ATF7IP2: variants seen among roughly 807,000 people sequenced by gnomAD.
ATF7IP2 encodes the protein activating transcription factor 7 interacting protein 2.
ATF7IP2 carries 42 observed loss-of-function variants against 64.2 expected under a neutral mutation model. That is an observed-to-expected ratio of 0.65 (90% CI 0.51 to 0.85). ATF7IP2 has a LOEUF of 0.85. Among genes scored for constraint, ATF7IP2 ranks in the 40% least tolerant of loss-of-function variants. The pLI is 0.00. For synonymous variants in ATF7IP2, 308 were observed against 272.8 expected, an observed-to-expected ratio of 1.13 and a Z score of -1.27; for missense variants, 933 against 784.2, an observed-to-expected ratio of 1.19 and a Z score of -2.27.
chr16:10,430,628 G>T lies in ATF7IP2; in HGVS notation c.8G>T (p.Ser3Ile). 4 of 1,608,698 alleles carry T rather than the reference G, an allele frequency of 2.5e-6. No homozygotes were observed. The highest frequency in any genetic ancestry group is 2.6e-6 in the Non-Finnish European group (3 of 1,176,342). Residue 3 changes from serine (S) to isoleucine (I), a missense_variant, in exon 5 of 14, where the codon AGT (serine) becomes ATT (isoleucine). Coordinates refer to ENST00000562102, the MANE Select transcript of ATF7IP2 (RefSeq NM_001393719.1). MA[S>I]PDRSKRKILK... ...AATTCCAGGATATGAAAGATGGCAA[G>T]TCCAGATAGAAGTAAACGGAAGATA...
chr16:10,441,744 T>C (rs2048630861), intron 8 of ATF7IP2, among the ~76,000 whole-genome samples: 1 of 152,256 alleles, frequency 6.6e-6, no homozygotes, highest in Admixed American at 6.5e-5. Flanking sequence ...ATCTCTTTAG[T>C]TTAATTAGAT....
chr16:10,417,828 G>A, intron 2 of ATF7IP2, among the ~76,000 whole-genome samples: 1 of 152,160 alleles, frequency 6.6e-6, no homozygotes, highest in East Asian at 1.9e-4. Flanking sequence ...TACACAAATG[G>A]AATAGAATCG....
chr16:10,467,393 G>A (rs2049615488), intron 9 of ATF7IP2, among the ~76,000 whole-genome samples: 1 of 152,050 alleles, frequency 6.6e-6, no homozygotes. Flanking sequence ...AATTGATAAA[G>A]TATTTTGACT....
chr16:10,451,913 C>T (rs1468444516), intron 8 of ATF7IP2, among the ~76,000 whole-genome samples: 4 of 151,940 alleles, frequency 2.6e-5, no homozygotes, highest in East Asian at 1.9e-4. Flanking sequence ...AGTAGCTGGG[C>T]GTGGTGGTGC....
At chr16:10,414,215 T>C (rs973841267) in intron 1 of ATF7IP2, among the ~76,000 whole-genome samples, 2 of 152,216 alleles carry the variant, frequency 1.3e-5, no homozygotes, top group Non-Finnish European at 2.9e-5. Flanking sequence ...TCAGGAATGC[T>C]GATTATTCTT....
chr16:10,457,112 A>G (rs1273430118), intron 8 of ATF7IP2, among the ~76,000 whole-genome samples: 1 of 152,210 alleles, frequency 6.6e-6, no homozygotes, highest in African/African-American at 2.4e-5. Flanking sequence ...AGTGTTGTCT[A>G]AGTACCTGAA....
intron 9 of ATF7IP2, 113 bp from the exon 10 acceptor site, chr16:10,471,997 T>C: frequency 2.1e-6 from 1 of 475,048 alleles, no homozygotes; most frequent in Non-Finnish European, 3.7e-6. Context: ...CCACGATTGT[T>C]CAATTAAAAC....
At chr16:10,479,759 A>G (rs927363597) in intron 12 of ATF7IP2, among the ~76,000 whole-genome samples, 3 of 152,100 alleles carry the variant, frequency 2.0e-5, no homozygotes, top group African/African-American at 7.2e-5. Context: ...ACTGATCATC[A>G]GAGGAATGCA....
intron 6 of ATF7IP2, among the ~76,000 whole-genome samples, chr16:10,434,819 G>A (rs2048365641): frequency 6.6e-6 from 1 of 151,292 alleles, no homozygotes; most frequent in Admixed American, 6.6e-5. Flanking sequence ...TTTGTTTGAG[G>A]CAGAGTCTCA....
chr16:10,406,940 C>T (rs4497685), intron 1 of ATF7IP2, among the ~76,000 whole-genome samples: 2,631 of 152,096 alleles, frequency 0.017, 73 homozygotes, highest in East Asian at 0.13. Context: ...ACCAAACAGA[C>T]ACATAAAAAT....
rs571954969 is a variant in ATF7IP2 at position 10,442,626 on chromosome 16, A to G, written c.1194+2164A>G. 5.3e-5 allele frequency among the ~76,000 whole-genome samples: 8 copies of G among 152,304 alleles called. No individual in the cohort carries two copies. In the South Asian group the frequency reaches 1.5e-3, roughly 28 times the overall value. On this transcript the variant is annotated intron_variant, in intron 8 of 13. Coordinates refer to ENST00000562102, the MANE Select transcript of ATF7IP2 (RefSeq NM_001393719.1). ...AGAATTCCTGGTTAACTCATTAGATAAGGAGGTGAGACCTTGTAGAGGTTT... is the reference window on the plus strand; with the variant it reads ...AGAATTCCTGGTTAACTCATTAGATGAGGAGGTGAGACCTTGTAGAGGTTT...
chr16:10,421,851 A>G (rs2047994096), intron 3 of ATF7IP2, among the ~76,000 whole-genome samples: 1 of 152,254 alleles, frequency 6.6e-6, no homozygotes. Flanking sequence ...GAAAATGCTT[A>G]GCAGGCTGCA....
At position 10,482,858 on chromosome 16, in the gene ATF7IP2, T is replaced by C. The variant is rs1220338001; in HGVS notation, c.*609T>C. 1 of 152,222 alleles carries C rather than the reference T, an allele frequency of 6.6e-6. No homozygotes were observed. Among genetic ancestry groups the C allele is most frequent in the African/African-American group, 2.4e-5 (1 of 41,428 alleles). 9.4% of individuals were successfully genotyped at this position (152,222 alleles called of 1,614,324 possible). ...TCAGCCTCCCAAGTAGCTGGGACTATAGTCACTTGCCACCATGCCCGGCTA... is the reference window on the plus strand; with the variant it reads ...TCAGCCTCCCAAGTAGCTGGGACTACAGTCACTTGCCACCATGCCCGGCTA... On this transcript the variant is annotated 3_prime_UTR_variant, in exon 14 of 14. Coordinates refer to ENST00000562102, the MANE Select transcript of ATF7IP2 (RefSeq NM_001393719.1).
intron 6 of ATF7IP2, among the ~76,000 whole-genome samples, chr16:10,437,890 T>A (rs1222163139): frequency 6.6e-6 from 1 of 152,228 alleles, no homozygotes; most frequent in East Asian, 1.9e-4. Context: ...TTCTAACATG[T>A]CCAGTATACT....
At chr16:10,461,270 A>G (rs553650681) in intron 9 of ATF7IP2, among the ~76,000 whole-genome samples, 1 of 152,246 alleles carries the variant, frequency 6.6e-6, no homozygotes, top group African/African-American at 2.4e-5. Flanking sequence ...ATAGTACTCT[A>G]AAGAAAATTG....
At position 10,483,229 on chromosome 16, in the gene ATF7IP2, T is replaced by C. The variant is rs918051228; in HGVS notation, c.*980T>C. On this transcript the variant is annotated 3_prime_UTR_variant, in exon 14 of 14. Transcript: ENST00000562102. Reference sequence around the variant, plus strand: ...AAACATAATGTATCTTATGAAAGCATTACCCAACCTGTTTGAGTTGAGAAT... The same window carrying C: ...AAACATAATGTATCTTATGAAAGCACTACCCAACCTGTTTGAGTTGAGAAT... 3.3e-5 allele frequency: 5 copies of C among 152,230 alleles called. No individual in the cohort carries two copies. Among genetic ancestry groups the C allele is most frequent in the Admixed American group, 6.5e-5 (1 of 15,286 alleles). 9.4% of individuals were successfully genotyped at this position (152,230 alleles called of 1,614,324 possible).
chr16:10,409,271 C>G (rs941919561), intron 1 of ATF7IP2, among the ~76,000 whole-genome samples: 4 of 152,062 alleles, frequency 2.6e-5, no homozygotes, highest in African/African-American at 9.7e-5. Context: ...ACCAAGGGAA[C>G]AGATGTGAGT....
In ATF7IP2 at chr16:10,431,280, T is replaced by G; in HGVS notation, c.660T>G (p.Cys220Trp). 6.2e-7 allele frequency: 1 copy of G among 1,614,210 alleles called. No homozygotes were observed. The highest frequency in any genetic ancestry group is 8.5e-7 in the Non-Finnish European group (1 of 1,180,042). Residue 220 changes from cysteine (C) to tryptophan (W), a missense_variant, in exon 5 of 14, where the codon TGT becomes TGG. Physicochemically the swap from Cys to Trp is radical, Grantham distance 215. Transcript: ENST00000562102. ...AAAGGCAAAGTGACAACATTTTATGTTCAGAAGACTCAGGTTTTGTGCCTG... is the reference window on the plus strand; with the variant it reads ...AAAGGCAAAGTGACAACATTTTATGGTCAGAAGACTCAGGTTTTGTGCCTG... ...HDKRQSDNIL[C>W]SEDSGFVPVE...
intron 1 of ATF7IP2, among the ~76,000 whole-genome samples, chr16:10,408,960 A>G (rs1375565371): frequency 6.6e-6 from 1 of 152,200 alleles, no homozygotes; most frequent in Non-Finnish European, 1.5e-5. Context: ...CGCAAAGTGA[A>G]ACCAGCACTC....
Sources: gnomAD v4.1 joint callset for allele counts (sites outside exome capture counted in the v4.1 genomes callset) on GRCh38, gnomAD v4.1.1 for gene constraint, MANE v1.5 for transcripts, NCBI Gene and HGNC (gene_info 2026-07-23, HGNC 2026-07-21) for gene names.